Variants in RAPGEF4 observed in about 807,000 individuals in gnomAD.
The protein encoded by RAPGEF4 is RAP guanine-nucleotide-exchange factor (GEF) 4.
Under a neutral mutation model 147.9 loss-of-function variants are expected in RAPGEF4, and 66 were observed. The ratio of observed to expected loss-of-function variants is 0.45; its 90% CI spans 0.37 to 0.55. RAPGEF4 has a LOEUF of 0.55. Ranked by LOEUF, RAPGEF4 falls within the 20% of genes least tolerant of loss-of-function variation. The pLI is 0.00. For missense variants in RAPGEF4, 1,071 were observed against 1,257.3 expected (o/e 0.85, Z 2.24); for synonymous variants, 419 against 442.7 (o/e 0.95, Z 0.67).
intron 4 of RAPGEF4, among the ~76,000 whole-genome samples, chr2:172,889,197 G>A (rs1697594974): frequency 6.6e-6 from 1 of 152,064 alleles, no homozygotes; most frequent in South Asian, 2.1e-4. Context: ...TTAAGAGTGT[G>A]GCACTCATTT....
At chr2:172,796,394 G>A (rs1686367227) in intron 2 of RAPGEF4, among the ~76,000 whole-genome samples, 1 of 152,108 alleles carries the variant, frequency 6.6e-6, no homozygotes, top group Admixed American at 6.6e-5. Flanking sequence ...GACCATCCTG[G>A]TTAACATGGT....
intron 4 of RAPGEF4, among the ~76,000 whole-genome samples, chr2:172,836,348 G>GAGGTTAA (rs1286210661): frequency 6.6e-6 from 1 of 152,202 alleles, no homozygotes; most frequent in Non-Finnish European, 1.5e-5. Context: ...TCTGTGCTTT[G>GAGGTTAA]AGGTTAAAGG....
chr2:173,051,690 G>A lies in RAPGEF4; in HGVS notation c.2959G>A (p.Val987Ile). Reference protein sequence around the residue: ...NKNHQDVRSYVRQLNVIDNQR... With the variant: ...NKNHQDVRSYIRQLNVIDNQR... ...GAACCATCAGGATGTCCGGAGTTATGTACGGCAATTAAATGTGATTGACAA... is the reference window on the plus strand; with the variant it reads ...GAACCATCAGGATGTCCGGAGTTATATACGGCAATTAAATGTGATTGACAA... The change falls in exon 31 of 31, where the codon GTA becomes ATA. Residue 987 changes from valine (V) to isoleucine (I), a missense_variant. By Grantham distance (29) the Val-to-Ile change is conservative (BLOSUM62 3). Coordinates refer to ENST00000397081, the MANE Select transcript of RAPGEF4 (RefSeq NM_007023.4). 1 of 1,613,928 alleles carries A rather than the reference G, an allele frequency of 6.2e-7. No individual in the cohort carries two copies. The highest frequency in any genetic ancestry group is 8.5e-7 in the Non-Finnish European group (1 of 1,179,864).
At chr2:172,962,292 T>A (rs544505053) in intron 8 of RAPGEF4, among the ~76,000 whole-genome samples, 63 of 152,236 alleles carry the variant, frequency 4.1e-4, no homozygotes, top group Non-Finnish European at 8.7e-4. Context: ...CCCATCAGCA[T>A]TGGCATGAGT....
intron 1 of RAPGEF4, among the ~76,000 whole-genome samples, chr2:172,785,999 A>T (rs930065719): frequency 5.3e-5 from 8 of 152,214 alleles, no homozygotes; most frequent in African/African-American, 1.9e-4. Flanking sequence ...AACGGAAGTC[A>T]TCGAGGGGAC....
chr2:172,799,063 TCA>T (rs1686697079), intron 3 of RAPGEF4, among the ~76,000 whole-genome samples: 1 of 152,220 alleles, frequency 6.6e-6, no homozygotes, highest in Non-Finnish European at 1.5e-5. Context: ...GTAAGCGGCC[TCA>T]GTTTCGAATG....
intron 4 of RAPGEF4, among the ~76,000 whole-genome samples, chr2:172,899,935 G>A (rs958973064): frequency 3.9e-5 from 6 of 152,216 alleles, no homozygotes; most frequent in African/African-American, 1.2e-4. Flanking sequence ...AGGTGGATTA[G>A]GGAACGCTGT....
At chr2:173,023,873 G>A (rs1470503622) in intron 23 of RAPGEF4, among the ~76,000 whole-genome samples, 4 of 152,334 alleles carry the variant, frequency 2.6e-5, no homozygotes, top group Non-Finnish European at 4.4e-5. Context: ...CAGCAGAAGG[G>A]CTGTGTTCAC....
At chr2:172,821,640 G>A (rs1689068082) in intron 4 of RAPGEF4, 2 of 1,021,238 alleles carry the variant, frequency 2.0e-6, no homozygotes, top group Non-Finnish European at 2.3e-6. Flanking sequence ...GTCTGCACCA[G>A]GGTCTCATTC....
intron 1 of RAPGEF4, among the ~76,000 whole-genome samples, chr2:172,739,246 A>G (rs987654379): frequency 6.6e-5 from 10 of 151,862 alleles, no homozygotes; most frequent in Non-Finnish European, 1.3e-4. Flanking sequence ...GGATCTTACC[A>G]TTTTTTTCTG....
intron 3 of RAPGEF4, among the ~76,000 whole-genome samples, chr2:172,802,683 T>G (rs1355036834): frequency 6.6e-6 from 1 of 152,236 alleles, no homozygotes; most frequent in African/African-American, 2.4e-5. Flanking sequence ...AAAGTCTTAA[T>G]TCATTTCAGC....
chr2:172,750,704 C>G (rs1695205351), intron 1 of RAPGEF4, among the ~76,000 whole-genome samples: 1 of 152,090 alleles, frequency 6.6e-6, no homozygotes, highest in Non-Finnish European at 1.5e-5. Flanking sequence ...TTGTTTTTCA[C>G]TGTAGTTTTG....
rs1353721502 is a variant in RAPGEF4, at chr2:172,806,595, AT to A, written c.298-7683del. On this transcript the variant is annotated intron_variant, in intron 3 of 30. Transcript: ENST00000397081. ...GCAATGACTGCAATGCTGTTGTTTTATCACAAGAGGGCAGTGCCAGAATAGA... is the reference window on the plus strand; with the variant it reads ...GCAATGACTGCAATGCTGTTGTTTTACACAAGAGGGCAGTGCCAGAATAGA... 6.6e-5 allele frequency among the ~76,000 whole-genome samples: 10 copies of A among 152,356 alleles called. No individual in the cohort carries two copies. In the East Asian group the frequency reaches 1.9e-3, roughly 29 times the overall value.
At chr2:172,825,719 C>G (rs1420308133) in intron 4 of RAPGEF4, among the ~76,000 whole-genome samples, 1 of 151,842 alleles carries the variant, frequency 6.6e-6, no homozygotes, top group African/African-American at 2.4e-5. Context: ...AAGTACATAC[C>G]TTTTAAATTC....
intron 4 of RAPGEF4, among the ~76,000 whole-genome samples, chr2:172,911,139 A>C (rs533630197): frequency 1.3e-5 from 2 of 152,278 alleles, no homozygotes; most frequent in African/African-American, 4.8e-5. Context: ...AAAGTCCAGG[A>C]TCCCATCAGC....
At chr2:172,991,540 AC>A (rs1305183840) in intron 15 of RAPGEF4, among the ~76,000 whole-genome samples, 1 of 152,228 alleles carries the variant, frequency 6.6e-6, no homozygotes, top group African/African-American at 2.4e-5. Flanking sequence ...GCTGCAACTT[AC>A]TACATAAGAC....
intron 4 of RAPGEF4, among the ~76,000 whole-genome samples, chr2:172,846,236 A>G (rs1049634948): frequency 2.0e-5 from 3 of 152,138 alleles, no homozygotes; most frequent in African/African-American, 7.2e-5. Flanking sequence ...ATGCCTATTT[A>G]TAGTTAATCC....
At chr2:172,851,257 C>G (rs1337170816) in intron 4 of RAPGEF4, among the ~76,000 whole-genome samples, 1 of 152,098 alleles carries the variant, frequency 6.6e-6, no homozygotes, top group Non-Finnish European at 1.5e-5. Context: ...TTTGAGTGAT[C>G]TTCTTGGTAT....
At chr2:172,744,429 T>C (rs557504326) in intron 1 of RAPGEF4, 1 of 456,504 alleles carries the variant, frequency 2.2e-6, no homozygotes, top group Middle Eastern at 3.3e-4. Context: ...TTGAGGTGTG[T>C]GAGCTAATGC....
Sources: allele counts gnomAD v4.1 joint callset (sites outside exome capture counted in the v4.1 genomes callset), GRCh38; gene constraint gnomAD v4.1.1; transcripts MANE v1.5; gene names NCBI Gene and HGNC (gene_info 2026-07-23, HGNC 2026-07-21).